RBFOX1: variants seen among roughly 807,000 people sequenced by gnomAD.
RBFOX1 encodes the protein RNA binding protein fox-1 homolog 1.
Under a neutral mutation model 57.7 loss-of-function variants are expected in RBFOX1, and 8 were observed. The observed-to-expected ratio is 0.14, with a 90% confidence interval of 0.08 to 0.25. The LOEUF (loss-of-function observed/expected upper bound fraction) is 0.25. Ranked by LOEUF, RBFOX1 falls within the 10% of genes least tolerant of loss-of-function variation. The pLI is 1.00. For synonymous variants in RBFOX1, 326 were observed against 222.4 expected (o/e 1.47, Z -4.15); for missense variants, 611 against 548.5 (o/e 1.11, Z -1.14).
chr16:6,552,091 T>G (rs561862037), intron 2 of RBFOX1, among the ~76,000 whole-genome samples: 28 of 152,314 alleles, frequency 1.8e-4, no homozygotes, highest in Non-Finnish European at 3.2e-4. Flanking sequence ...AGAAATCACT[T>G]CATGACCTAC....
chr16:6,394,466 G>T (rs2092735347), intron 2 of RBFOX1, among the ~76,000 whole-genome samples: 2 of 151,584 alleles, frequency 1.3e-5, no homozygotes. Flanking sequence ...TTCTTGCAAA[G>T]AACCTTAAAT....
chr16:7,686,673 A>G (rs1038658233), intron 14 of RBFOX1, among the ~76,000 whole-genome samples: 1 of 152,124 alleles, frequency 6.6e-6, no homozygotes, highest in African/African-American at 2.4e-5. Flanking sequence ...TACTGTTTTT[A>G]TATCTCAATT....
intron 2 of RBFOX1, among the ~76,000 whole-genome samples, chr16:6,460,408 A>G (rs1185385983): frequency 6.6e-6 from 1 of 152,186 alleles, no homozygotes; most frequent in Non-Finnish European, 1.5e-5. Context: ...TTTACAAGAA[A>G]AAAAACACCC....
intron 3 of RBFOX1, among the ~76,000 whole-genome samples, chr16:5,799,384 G>T (rs937085382): frequency 6.6e-6 from 1 of 152,064 alleles, no homozygotes; most frequent in Admixed American, 6.5e-5. Context: ...CAACCTCATT[G>T]GTCTGTGGAG....
intron 3 of RBFOX1, among the ~76,000 whole-genome samples, chr16:5,707,959 A>G (rs1181757590): frequency 6.6e-6 from 1 of 152,158 alleles, no homozygotes; most frequent in Non-Finnish European, 1.5e-5. Context: ...TTCACTAGGT[A>G]GGGACCATAA....
At chr16:7,363,569 G>A (rs1050176873) in intron 4 of RBFOX1, among the ~76,000 whole-genome samples, 6 of 152,036 alleles carry the variant, frequency 3.9e-5, no homozygotes, top group African/African-American at 1.4e-4. Flanking sequence ...AAAATGGGTC[G>A]CCTGGCTTTT....
chr16:6,362,167 G>T (rs2088668557), intron 2 of RBFOX1, among the ~76,000 whole-genome samples: 2 of 151,890 alleles, frequency 1.3e-5, no homozygotes. Context: ...AACAAGTCCT[G>T]CCCACCCCAC....
At chr16:6,230,687 T>A (rs575160153) in intron 1 of RBFOX1, among the ~76,000 whole-genome samples, 1 of 152,310 alleles carries the variant, frequency 6.6e-6, no homozygotes, top group Admixed American at 6.5e-5. Flanking sequence ...CAAGGGGACC[T>A]TCATTTGCCT....
chr16:7,315,456 A>ACCCCCCCCCCC (rs34625153), intron 4 of RBFOX1, among the ~76,000 whole-genome samples: 7 of 123,768 alleles, frequency 5.7e-5, no homozygotes, highest in Non-Finnish European at 9.3e-5. Context: ...ACTCTACCCT[A>ACCCCCCCCCCC]CCCCCCCCCC....
rs1567304158 is a variant in RBFOX1 at position 6,450,855 on chromosome 16, A to ATATG, written c.-64+133801_-64+133802insGTAT. 6.1e-3 allele frequency among the ~76,000 whole-genome samples: 287 copies of ATATG among 46,884 alleles called. 49 individuals are homozygous for ATATG. In the East Asian group the frequency reaches 0.086, roughly 14 times the overall value. The allele number at this position is 46,884 out of a possible 152,430, so 30.8% of individuals were successfully genotyped here. A position where few individuals can be genotyped will look rare whatever the true frequency, so the allele number is the denominator to read the frequency against. On this transcript the variant is annotated intron_variant, in intron 2 of 15. Transcript: ENST00000550418. Reference sequence around the variant, plus strand: ...TATATATGTGTATATATATATATATATATATATATATATATATATCTCCTC... The same window carrying ATATG: ...TATATATGTGTATATATATATATATATATGTATATATATATATATATATCTCCTC...
chr16:5,308,913 G>A (rs901958099), intron 1 of RBFOX1, among the ~76,000 whole-genome samples: 6 of 152,118 alleles, frequency 3.9e-5, no homozygotes, highest in African/African-American at 1.4e-4. Flanking sequence ...TTTCAGCTCT[G>A]TGTTTCTCTC....
chr16:6,144,048 C>T (rs747771736), intron 1 of RBFOX1, among the ~76,000 whole-genome samples: 2 of 151,540 alleles, frequency 1.3e-5, no homozygotes, highest in East Asian at 1.9e-4. Context: ...ATCCTCTTGC[C>T]TCAGCCTCCC....
At chr16:6,541,329 C>G (rs1176712835) in intron 2 of RBFOX1, among the ~76,000 whole-genome samples, 2 of 152,152 alleles carry the variant, frequency 1.3e-5, no homozygotes, top group Admixed American at 6.5e-5. Context: ...TTCATTCATT[C>G]ATGTAACAAG....
In RBFOX1 at chr16:6,828,811, G is replaced by A. The variant is rs149317835; in HGVS notation, c.-16+174161G>A. Among the ~76,000 whole-genome samples the A allele has an allele frequency of 4.5e-3, 686 of 152,150 alleles. 4 individuals carry two copies. Among genetic ancestry groups the A allele is most frequent in the African/African-American group, 0.015 (620 of 41,508 alleles). ...ACCTACGTTTGGTGTAAAAATGGAT[G>A]GCATCACAATTCTAAGAAATTTCCA... On this transcript the variant is annotated intron_variant, in intron 3 of 15. Transcript: ENST00000550418.
intron 4 of RBFOX1, among the ~76,000 whole-genome samples, chr16:5,953,207 C>T (rs1168758093): frequency 6.6e-6 from 1 of 152,146 alleles, no homozygotes; most frequent in Non-Finnish European, 1.5e-5. Context: ...TGTTTCTCAG[C>T]TAGGGAATGA....
chr16:7,402,813 A>G (rs1234592696), intron 4 of RBFOX1, among the ~76,000 whole-genome samples: 3 of 152,178 alleles, frequency 2.0e-5, no homozygotes, highest in South Asian at 4.1e-4. Flanking sequence ...GCTTAACTCT[A>G]GAAAGAGTTG....
At chr16:6,024,219 A>G (rs1020374047) in intron 1 of RBFOX1, among the ~76,000 whole-genome samples, 10 of 152,178 alleles carry the variant, frequency 6.6e-5, no homozygotes, top group Non-Finnish European at 1.5e-4. Context: ...TTTATTTGGA[A>G]TGTACCACAT....
intron 4 of RBFOX1, among the ~76,000 whole-genome samples, chr16:5,885,978 C>G (rs963769607): frequency 6.6e-6 from 1 of 152,116 alleles, no homozygotes; most frequent in Non-Finnish European, 1.5e-5. Flanking sequence ...TGTTGCCACT[C>G]TCATGATAGT....
intron 3 of RBFOX1, among the ~76,000 whole-genome samples, chr16:5,718,093 A>C (rs1170006871): frequency 6.6e-6 from 1 of 152,202 alleles, no homozygotes; most frequent in Non-Finnish European, 1.5e-5. Context: ...ATCGAATACG[A>C]TGCACACATA....
Sources: allele counts gnomAD v4.1 joint callset (sites outside exome capture counted in the v4.1 genomes callset), GRCh38; gene constraint gnomAD v4.1.1; transcripts MANE v1.5; gene names NCBI Gene and HGNC (gene_info 2026-07-23, HGNC 2026-07-21).